The following DAGLB variants were observed in gnomAD, a reference collection of about 807,000 sequenced individuals.
The protein encoded by DAGLB is diacylglycerol lipase-beta.
In DAGLB, 66 loss-of-function variants were observed where a neutral mutation model predicts 72.1. The ratio of observed to expected loss-of-function variants is 0.92; its 90% CI spans 0.75 to 1.12. DAGLB has a LOEUF of 1.12. Ranked by LOEUF, DAGLB falls within the 50% of genes most tolerant of loss-of-function variation. The pLI is 0.00. For synonymous variants in DAGLB, 414 were observed against 359.5 expected (o/e 1.15, Z -1.71); for missense variants, 1,065 against 884.9 (o/e 1.20, Z -2.58).
chr7:6,426,934 C>G (rs1012504717), intron 6 of DAGLB, among the ~76,000 whole-genome samples: 2 of 152,012 alleles, frequency 1.3e-5, no homozygotes, highest in Non-Finnish European at 2.9e-5. Flanking sequence ...GTGCTGGAAC[C>G]CCACCTCTAC....
intron 1 of DAGLB, 82 bp downstream of exon 1, chr7:6,447,666 C>T: frequency 6.6e-7 from 1 of 1,513,522 alleles, no homozygotes; most frequent in Non-Finnish European, 8.9e-7. Context: ...TGGGAAGCCA[C>T]TTCTGTCACC....
chr7:6,444,384 G>A (rs777944520), intron 2 of DAGLB, among the ~76,000 whole-genome samples: 14 of 152,098 alleles, frequency 9.2e-5, no homozygotes, highest in Admixed American at 2.0e-4. Context: ...GGTGGATCAC[G>A]TGAGGTCAGG....
intron 2 of DAGLB, among the ~76,000 whole-genome samples, chr7:6,442,521 T>A (rs998694127): frequency 4.6e-5 from 7 of 152,130 alleles, no homozygotes; most frequent in Admixed American, 1.3e-4. Flanking sequence ...CTAACCAGAA[T>A]GTGAGATGAA....
chr7:6,429,778 CTCA>C (rs781088524), intron 6 of DAGLB, among the ~76,000 whole-genome samples: 24 of 151,866 alleles, frequency 1.6e-4, no homozygotes, highest in Non-Finnish European at 1.8e-4. Flanking sequence ...GGCGTGGTGG[CTCA>C]TGTTTGTAAT....
intron 7 of DAGLB, 119 bp downstream of exon 7, chr7:6,425,868 CT>C: frequency 6.6e-7 from 1 of 1,507,156 alleles, no homozygotes; most frequent in Non-Finnish European, 8.9e-7. Flanking sequence ...GTACACAGGA[CT>C]TAGAAGTGTG....
chr7:6,441,811 C>T (rs1423774735), intron 2 of DAGLB, among the ~76,000 whole-genome samples: 1 of 152,124 alleles, frequency 6.6e-6, no homozygotes, highest in African/African-American at 2.4e-5. Context: ...TTCAGTTTGG[C>T]TGGGATATCT....
intron 2 of DAGLB, among the ~76,000 whole-genome samples, chr7:6,441,499 C>G (rs1278801736): frequency 2.7e-5 from 4 of 148,728 alleles, no homozygotes; most frequent in East Asian, 2.0e-4. Context: ...CTCACTGCAA[C>G]CTCCGCCTCC....
At chr7:6,411,560 G>A (rs777724151) in intron 13 of DAGLB, among the ~76,000 whole-genome samples, 1 of 152,200 alleles carries the variant, frequency 6.6e-6, no homozygotes, top group African/African-American at 2.4e-5. Context: ...TTGGGAGGCT[G>A]CAATGTGCCG....
rs1054794000 is a variant in DAGLB at position 6,437,549 on chromosome 7, A to C, written c.248-1016T>G. 5.9e-5 allele frequency among the ~76,000 whole-genome samples: 9 copies of C among 152,302 alleles called. 1 individual carries two copies. Among genetic ancestry groups the C allele is most frequent in the Middle Eastern group, 3.4e-3 (1 of 294 alleles). The stretch of plus-strand genomic sequence containing the variant: ...CAGGCTCAAGTGATCCACCCACCTC[A>C]GCCTCTCTGGTAGCTAGGACTACAG... On this transcript the variant is annotated intron_variant, in intron 2 of 14. Coordinates refer to ENST00000297056, the MANE Select transcript of DAGLB (RefSeq NM_139179.4).
chr7:6,414,808 T>G (rs1315271732), intron 11 of DAGLB, among the ~76,000 whole-genome samples: 1 of 151,596 alleles, frequency 6.6e-6, no homozygotes, highest in East Asian at 1.9e-4. Context: ...TGATTCCAGA[T>G]ATGGACGATG....
chr7:6,414,043 C>T (rs569746562), intron 11 of DAGLB, among the ~76,000 whole-genome samples: 70 of 152,322 alleles, frequency 4.6e-4, no homozygotes, highest in African/African-American at 1.6e-3. Flanking sequence ...TGGAGTCTCG[C>T]TCTGTCTCCC....
intron 2 of DAGLB, among the ~76,000 whole-genome samples, chr7:6,439,022 A>C (rs1337342616): frequency 1.3e-5 from 2 of 152,014 alleles, no homozygotes; most frequent in Non-Finnish European, 2.9e-5. Flanking sequence ...GGGGAGGCCA[A>C]GGTGGATGGA....
intron 6 of DAGLB, among the ~76,000 whole-genome samples, chr7:6,427,419 G>A (rs1784348256): frequency 6.6e-6 from 1 of 152,118 alleles, no homozygotes; most frequent in Non-Finnish European, 1.5e-5. Flanking sequence ...GCTGAGGCGG[G>A]AGGATCGCTC....
intron 1 of DAGLB, 102 bp from the exon 2 acceptor site, chr7:6,446,206 C>T: frequency 5.8e-6 from 7 of 1,203,722 alleles, no homozygotes; most frequent in Non-Finnish European, 7.7e-6. Context: ...CGGTGGCTCA[C>T]ACCTGTAATC....
At chr7:6,411,703 T>C (rs1226604671) in intron 13 of DAGLB, among the ~76,000 whole-genome samples, 2 of 152,114 alleles carry the variant, frequency 1.3e-5, no homozygotes, top group East Asian at 1.9e-4. Flanking sequence ...AACAAAACCA[T>C]GAGAAAGGTC....
chr7:6,423,075 G>A (rs1784184006), intron 8 of DAGLB, among the ~76,000 whole-genome samples: 1 of 152,112 alleles, frequency 6.6e-6, no homozygotes, highest in African/African-American at 2.4e-5. Flanking sequence ...AACATAGTGA[G>A]ATCCTGTCTC....
intron 13 of DAGLB, 80 bp downstream of exon 13, chr7:6,412,731 G>A: frequency 1.3e-6 from 2 of 1,484,130 alleles, no homozygotes; most frequent in East Asian, 2.5e-5. Flanking sequence ...CACTGAGGGT[G>A]CAATTCCTCC....
intron 11 of DAGLB, chr7:6,416,330 G>T (rs189896101): frequency 5.2e-4 from 127 of 242,064 alleles, no homozygotes; most frequent in African/African-American, 2.7e-3. Context: ...GATCACTTGA[G>T]GTCAGGAGAT....
Position 6,416,747 on chromosome 7 carries a change from C to T in DAGLB, c.1307G>A (p.Arg436Gln), listed in dbSNP as rs377177640. 188 of 1,613,522 alleles carry T rather than the reference C, an allele frequency of 1.2e-4. No individual in the cohort carries two copies. Among genetic ancestry groups the T allele is most frequent in the Non-Finnish European group, 1.5e-4 (173 of 1,179,792 alleles). The change falls in exon 11 of 15, where the codon CGG (arginine) becomes CAG (glutamine). Residue 436 changes from arginine to glutamine, a missense_variant. Arg to Gln is a conservative substitution (Grantham distance 43). Coordinates refer to ENST00000297056, the MANE Select transcript of DAGLB (RefSeq NM_139179.4). ...GAGGCTGTGGCCCACTATGACCAGC[C>T]GGTACTCCTAGAGGACAGACAGCAG... ...SQAFSIAPEYRLVIVGHSLGG... is the reference protein window; with the variant it reads ...SQAFSIAPEYQLVIVGHSLGG...
Sources: allele counts gnomAD v4.1 joint callset (sites outside exome capture counted in the v4.1 genomes callset), GRCh38; gene constraint gnomAD v4.1.1; transcripts MANE v1.5; gene names NCBI Gene and HGNC (gene_info 2026-07-23, HGNC 2026-07-21).